Variants in KDM4B observed in about 807,000 individuals in gnomAD.
KDM4B encodes lysine-specific demethylase 4B.
A neutral mutation model predicts 125.2 loss-of-function variants in KDM4B; 32 were observed. The ratio of observed to expected loss-of-function variants is 0.26; its 90% CI spans 0.19 to 0.34. The LOEUF (loss-of-function observed/expected upper bound fraction) is 0.34, where lower values mean the gene tolerates loss of function less well. KDM4B is among the 10% of genes least tolerant of loss of function. The pLI, the probability that KDM4B is intolerant of heterozygous loss-of-function variation, is 1.00. For missense variants in KDM4B, 1,190 were observed against 1,577.7 expected, an observed-to-expected ratio of 0.75 and a Z score of 4.16; for synonymous variants, 721 against 677.9, an observed-to-expected ratio of 1.06 and a Z score of -0.99.
chr19:5,037,084 A>C (rs1372645554), intron 3 of KDM4B, among the ~76,000 whole-genome samples: 2 of 152,242 alleles, frequency 1.3e-5, no homozygotes, highest in East Asian at 3.9e-4. Context: ...GAGCAGAGGA[A>C]TCGGGAGCGA....
intron 2 of KDM4B, among the ~76,000 whole-genome samples, chr19:5,028,769 T>G (rs1197339821): frequency 6.6e-6 from 1 of 152,208 alleles, no homozygotes; most frequent in Non-Finnish European, 1.5e-5. Context: ...TCTGCCATCC[T>G]GGTGGGAGTG....
chr19:5,003,035 G>A (rs537665778), intron 1 of KDM4B, among the ~76,000 whole-genome samples: 1 of 152,332 alleles, frequency 6.6e-6, no homozygotes, highest in African/African-American at 2.4e-5. Context: ...CTCTGGGGCT[G>A]GAGAGGAGTT....
At chr19:5,026,519 G>C (rs568630849) in intron 2 of KDM4B, among the ~76,000 whole-genome samples, 1 of 152,242 alleles carries the variant, frequency 6.6e-6, no homozygotes, top group African/African-American at 2.4e-5. Flanking sequence ...GCCCCTCTGT[G>C]ACGTTGTTAA....
At chr19:5,106,883 G>A (rs1283292739) in intron 9 of KDM4B, among the ~76,000 whole-genome samples, 2 of 152,208 alleles carry the variant, frequency 1.3e-5, no homozygotes. Context: ...AGAACGGTGG[G>A]GGCAGAGAGC....
At chr19:5,040,141 G>T (rs560759189) in intron 4 of KDM4B, 130 bp downstream of exon 4, 5 of 1,046,516 alleles carry the variant, frequency 4.8e-6, no homozygotes, top group Admixed American at 2.8e-5. Flanking sequence ...TGTGTGCCCC[G>T]TGTGGGCTGT....
intron 1 of KDM4B, among the ~76,000 whole-genome samples, chr19:4,988,800 A>G (rs140332968): frequency 7.2e-4 from 109 of 152,272 alleles, no homozygotes; most frequent in Middle Eastern, 6.8e-3. Context: ...CTTCCATCCC[A>G]GTCCTCCGGG....
chr19:5,032,264 G>C (rs943318913), intron 2 of KDM4B, among the ~76,000 whole-genome samples: 1 of 152,196 alleles, frequency 6.6e-6, no homozygotes, highest in Non-Finnish European at 1.5e-5. Flanking sequence ...TTTATGACCC[G>C]CGTGACTCTG....
In KDM4B at chr19:5,141,582, C is replaced by T. The variant is rs962337984; in HGVS notation, c.2551-2385C>T. ...GCTCGCCCAACCGCCCAGCCACCTT[C>T]GCGGGCCACGGGCAGGCTGCAGGCA... On this transcript the variant is annotated intron_variant, in intron 18 of 22. Coordinates refer to ENST00000159111, the MANE Select transcript of KDM4B (RefSeq NM_015015.3). This position sits in a 1 kb window ranked among gnomAD's most constrained non-coding sequence, Gnocchi z 6.4. 2.0e-5 allele frequency: 3 copies of T among 152,238 alleles called. No individual in the cohort carries two copies. Among genetic ancestry groups the T allele is most frequent in the East Asian group, 1.9e-4 (1 of 5,182 alleles). 9.4% of individuals were successfully genotyped at this position (152,238 alleles called of 1,614,324 possible). A position where few individuals can be genotyped will look rare whatever the true frequency, so the allele number is the denominator to read the frequency against.
chr19:5,052,840 G>A (rs1034875743), intron 6 of KDM4B, among the ~76,000 whole-genome samples: 2 of 152,242 alleles, frequency 1.3e-5, no homozygotes, highest in Non-Finnish European at 2.9e-5. Context: ...GCTGCTGCTG[G>A]CGAGCCAACC....
Position 5,047,577 on chromosome 19 carries a change from C to T in KDM4B, c.534C>T (p.Tyr178=). 1 of 1,614,038 alleles carries T rather than the reference C, an allele frequency of 6.2e-7. No homozygotes were observed. The highest frequency in any genetic ancestry group is 8.5e-7 in the Non-Finnish European group (1 of 1,179,944). ...IIEGVNTPYL[Y]FGMWKTTFAW... ...AGGGCGTGAACACGCCCTACCTGTA[C>T]TTCGGCATGTGGAAGACCACCTTCG... The change falls in exon 6 of 23, where the codon TAC becomes TAT. Residue 178 remains tyrosine (Y), a synonymous_variant. Coordinates refer to ENST00000159111, the MANE Select transcript of KDM4B (RefSeq NM_015015.3).
chr19:5,091,229 G>A (rs1346881191), intron 9 of KDM4B, among the ~76,000 whole-genome samples: 1 of 152,202 alleles, frequency 6.6e-6, no homozygotes, highest in Non-Finnish European at 1.5e-5. Context: ...GGACTCAGCG[G>A]CATCCCGAAA....
intron 5 of KDM4B, among the ~76,000 whole-genome samples, chr19:5,043,878 T>C (rs867963019): frequency 3.2e-4 from 27 of 83,974 alleles, no homozygotes; most frequent in African/African-American, 9.8e-4. Flanking sequence ...CCTTATCCCG[T>C]GCTGTGTTTA....
chr19:5,117,841 A>C (rs2039287417), intron 10 of KDM4B, among the ~76,000 whole-genome samples: 1 of 151,832 alleles, frequency 6.6e-6, no homozygotes. Flanking sequence ...CCTCTGGTCC[A>C]CCCGCTTTCT....
chr19:4,980,229 C>T (rs2034589155), intron 1 of KDM4B, among the ~76,000 whole-genome samples: 1 of 152,186 alleles, frequency 6.6e-6, no homozygotes, highest in Non-Finnish European at 1.5e-5. Flanking sequence ...CCAGTGGTCA[C>T]TATCCATCCC....
At chr19:5,097,078 A>G (rs1225186034) in intron 9 of KDM4B, among the ~76,000 whole-genome samples, 2 of 152,194 alleles carry the variant, frequency 1.3e-5, no homozygotes, top group Admixed American at 6.5e-5. Flanking sequence ...CCCCATGGCC[A>G]TCGGGTGATG....
Position 5,077,377 on chromosome 19 carries a change from C to G in KDM4B, c.687C>G (p.Pro229=), listed in dbSNP as rs764675744. ...RLERLAIGFF[P]GSSQGCDAFL... The stretch of plus-strand genomic sequence containing the variant: ...TCTTTTCGGCCCTAGGCTTCTTCCC[C>G]GGGAGCTCGCAGGGCTGCGACGCCT... Residue 229 remains proline (P), a synonymous_variant, in exon 8 of 23, where the codon CCC becomes CCG. Transcript: ENST00000159111. The G allele has an allele frequency of 6.2e-7, 1 of 1,612,706 alleles. No individual in the cohort carries two copies. Among genetic ancestry groups the G allele is most frequent in the African/African-American group, 1.3e-5 (1 of 74,946 alleles).
At chr19:5,008,741 C>T (rs566557494) in intron 1 of KDM4B, among the ~76,000 whole-genome samples, 1 of 151,128 alleles carries the variant, frequency 6.6e-6, no homozygotes, top group Non-Finnish European at 1.5e-5. Context: ...TAGGCATGTA[C>T]CACCACACTT....
chr19:5,115,113 C>A lies in KDM4B; in HGVS notation c.1115+4295C>A, dbSNP rs566382058. ...AGGGTGGGCAGGAGACCCCATGGGC[C>A]GGCAACCAGGAGGACAGCCAGCAGG... On this transcript the variant is annotated intron_variant, in intron 10 of 22. Transcript: ENST00000159111. This position sits in a 1 kb window ranked among gnomAD's most constrained non-coding sequence, Gnocchi z 4.2. 6.6e-6 allele frequency among the ~76,000 whole-genome samples: 1 copy of A among 152,266 alleles called. No individual in the cohort carries two copies. The highest frequency in any genetic ancestry group is 1.9e-4 in the East Asian group (1 of 5,176).
chr19:5,077,402 T>A lies in KDM4B; in HGVS notation c.712T>A (p.Phe238Ile), dbSNP rs755366001. 1 of 1,613,300 alleles carries A rather than the reference T, an allele frequency of 6.2e-7. No homozygotes were observed. Among genetic ancestry groups the A allele is most frequent in the Non-Finnish European group, 8.5e-7 (1 of 1,179,998 alleles). ...FPGSSQGCDA[F>I]LRHKMTLISP... ...CGGGAGCTCGCAGGGCTGCGACGCC[T>A]TCCTGCGGCATAAGATGACCCTCAT... The change falls in exon 8 of 23, where the codon TTC becomes ATC. Residue 238 changes from phenylalanine to isoleucine, a missense_variant. Physicochemically the swap from Phe to Ile is conservative, Grantham distance 21. Around this residue, in one of 7 missense-constraint regions of KDM4B, gnomAD observed 75 missense variants for 218.2 expected, o/e 0.34. Transcript: ENST00000159111.
Sources: allele counts gnomAD v4.1 joint callset (sites outside exome capture counted in the v4.1 genomes callset), GRCh38; gene constraint gnomAD v4.1.1; regional missense constraint gnomAD v4.1.1; non-coding constraint Gnocchi (gnomAD v3.1); transcripts MANE v1.5; gene names NCBI Gene and HGNC (gene_info 2026-07-23, HGNC 2026-07-21).